TBC1D22A: variants seen among roughly 807,000 people sequenced by gnomAD.
TBC1D22A encodes the protein TBC1 domain family member 22A.
A neutral mutation model predicts 60.2 loss-of-function variants in TBC1D22A; 38 were observed. The observed-to-expected ratio is 0.63, with a 90% CI of 0.49 to 0.83. TBC1D22A has a LOEUF of 0.83. Ranked by LOEUF, TBC1D22A falls within the 40% of genes least tolerant of loss-of-function variation. The pLI is 0.00. For synonymous variants in TBC1D22A, 302 were observed against 281.7 expected (o/e 1.07, Z -0.72); for missense variants, 628 against 701.0 (o/e 0.90, Z 1.18).
intron 8 of TBC1D22A, among the ~76,000 whole-genome samples, chr22:46,971,558 G>A (rs908729511): frequency 6.6e-6 from 1 of 152,214 alleles, no homozygotes; most frequent in African/African-American, 2.4e-5. Flanking sequence ...TCCCAGGGAG[G>A]AAGTGATGCC....
intron 1 of TBC1D22A, among the ~76,000 whole-genome samples, chr22:46,791,139 C>A (rs1182226381): frequency 6.6e-6 from 1 of 152,174 alleles, no homozygotes; most frequent in Non-Finnish European, 1.5e-5. Context: ...CAACCTCAGC[C>A]TCCCAAGTAG....
At chr22:46,824,905 G>A (rs1021261200) in intron 4 of TBC1D22A, among the ~76,000 whole-genome samples, 6 of 152,076 alleles carry the variant, frequency 3.9e-5, no homozygotes, top group African/African-American at 1.5e-4. Flanking sequence ...TGAGCCATCA[G>A]TCAGGGTGTC....
intron 11 of TBC1D22A, among the ~76,000 whole-genome samples, chr22:47,094,746 A>G (rs2065105190): frequency 6.6e-6 from 1 of 152,130 alleles, no homozygotes; most frequent in Admixed American, 6.6e-5. Context: ...TATTTCAGTT[A>G]GAGAGTGTTC....
At chr22:47,026,846 C>G (rs748407425) in intron 10 of TBC1D22A, among the ~76,000 whole-genome samples, 4 of 152,196 alleles carry the variant, frequency 2.6e-5, no homozygotes, top group Non-Finnish European at 5.9e-5. Flanking sequence ...CAATTGCAAT[C>G]AAGATCCCAC....
At position 46,797,437 on chromosome 22, in the gene TBC1D22A, C is replaced by T. The variant is rs1186524109; in HGVS notation, c.461-7C>T. 6.2e-7 allele frequency: 1 copy of T among 1,612,306 alleles called. No homozygotes were observed. Among genetic ancestry groups the T allele is most frequent in the African/African-American group, 1.3e-5 (1 of 74,872 alleles). On this transcript the variant is annotated splice_region_variant and splice_polypyrimidine_tract_variant and intron_variant, in intron 3 of 12. Transcript: ENST00000337137. ...TCACCCTCACCCCCATTCTCTCACC[C>T]CTGCAGAAAGTGCCAGCGATGCCGC...
At chr22:46,871,196 C>A (rs1470991493) in intron 4 of TBC1D22A, among the ~76,000 whole-genome samples, 1 of 152,086 alleles carries the variant, frequency 6.6e-6, no homozygotes, top group Admixed American at 6.5e-5. Context: ...TGTGTATGTA[C>A]CAGCTTTACA....
At chr22:46,854,126 C>A (rs994481307) in intron 4 of TBC1D22A, among the ~76,000 whole-genome samples, 3 of 152,212 alleles carry the variant, frequency 2.0e-5, no homozygotes, top group African/African-American at 7.2e-5. Context: ...CTTTCCGCAC[C>A]TCTGAGCCTC....
At chr22:46,773,409 G>C (rs543417990) in intron 1 of TBC1D22A, among the ~76,000 whole-genome samples, 25 of 152,310 alleles carry the variant, frequency 1.6e-4, no homozygotes, top group African/African-American at 4.6e-4. Flanking sequence ...CTGGGGCCTT[G>C]GTGTCACACC....
intron 12 of TBC1D22A, among the ~76,000 whole-genome samples, chr22:47,168,513 A>C (rs2068294901): frequency 6.6e-6 from 1 of 152,248 alleles, no homozygotes; most frequent in Non-Finnish European, 1.5e-5. Flanking sequence ...ACGCATCTGC[A>C]GTGCTCGTGG....
At chr22:47,171,796 T>C (rs2068466200) in intron 12 of TBC1D22A, among the ~76,000 whole-genome samples, 1 of 152,208 alleles carries the variant, frequency 6.6e-6, no homozygotes, top group Non-Finnish European at 1.5e-5. Flanking sequence ...CGTTGTGGCC[T>C]CAGTGGACGT....
At chr22:47,136,009 G>A (rs528768134) in intron 12 of TBC1D22A, among the ~76,000 whole-genome samples, 9 of 152,350 alleles carry the variant, frequency 5.9e-5, no homozygotes, top group Admixed American at 2.6e-4. Flanking sequence ...CTAGTTGCTC[G>A]GGTAGGAGTT....
At chr22:46,770,858 GC>G (rs562028429) in intron 1 of TBC1D22A, among the ~76,000 whole-genome samples, 4 of 152,332 alleles carry the variant, frequency 2.6e-5, no homozygotes, top group African/African-American at 9.6e-5. Flanking sequence ...GCAGAGGGAA[GC>G]CCCGGAGTCT....
At chr22:47,023,727 G>A (rs1219846849) in intron 10 of TBC1D22A, among the ~76,000 whole-genome samples, 1 of 152,226 alleles carries the variant, frequency 6.6e-6, no homozygotes, top group Non-Finnish European at 1.5e-5. Flanking sequence ...AGAGAAACCT[G>A]TTAACCAGCA....
At chr22:46,908,407 C>T (rs1223238753) in intron 7 of TBC1D22A, among the ~76,000 whole-genome samples, 10 of 152,166 alleles carry the variant, frequency 6.6e-5, no homozygotes, top group African/African-American at 1.7e-4. Flanking sequence ...CAGTGTCACA[C>T]GCCTCCACGG....
At chr22:47,140,830 T>G (rs1215855905) in intron 12 of TBC1D22A, among the ~76,000 whole-genome samples, 1 of 152,154 alleles carries the variant, frequency 6.6e-6, no homozygotes, top group Non-Finnish European at 1.5e-5. Context: ...AAAGTGCAAC[T>G]TGCCCCTACC....
At chr22:47,076,355 G>GTGTGTGTGTATATATATATA (rs1462693147) in intron 11 of TBC1D22A, among the ~76,000 whole-genome samples, 6 of 71,228 alleles carry the variant, frequency 8.4e-5, no homozygotes, top group African/African-American at 3.4e-4. Flanking sequence ...ATATATATAT[G>GTGTGTGTGTATATATATATA]TGTGTGTATA....
intron 4 of TBC1D22A, among the ~76,000 whole-genome samples, chr22:46,839,503 G>A (rs1386102936): frequency 7.6e-6 from 1 of 132,398 alleles, no homozygotes; most frequent in Non-Finnish European, 1.7e-5. Context: ...AATTAATATT[G>A]TTAAAATGTC....
Position 46,793,836 on chromosome 22 carries a change from C to A in TBC1D22A, c.455C>A (p.Pro152His). The change falls in exon 3 of 13, where the codon CCT (proline) becomes CAT (histidine). Residue 152 changes from proline to histidine, a missense_variant. Physicochemically the swap from Pro to His is moderately conservative, Grantham distance 77. Coordinates refer to ENST00000337137, the MANE Select transcript of TBC1D22A (RefSeq NM_014346.5). ...KSVSESHTSC[P>H]AESASDAAPL... ...GTCAGTGAGAGCCACACGTCCTGTC[C>A]TGCAGGTACGATGGGAGGACTGAAG... 1 of 1,569,956 alleles carries A rather than the reference C, an allele frequency of 6.4e-7. No homozygotes were observed. Among genetic ancestry groups the A allele is most frequent in the East Asian group, 2.3e-5 (1 of 43,108 alleles).
At chr22:46,967,771 C>T (rs1015849112) in intron 8 of TBC1D22A, among the ~76,000 whole-genome samples, 2 of 151,990 alleles carry the variant, frequency 1.3e-5, no homozygotes, top group African/African-American at 2.4e-5. Flanking sequence ...TTCGAGAACC[C>T]CCTGGTAATT....
Sources: allele counts gnomAD v4.1 joint callset (sites outside exome capture counted in the v4.1 genomes callset), GRCh38; gene constraint gnomAD v4.1.1; transcripts MANE v1.5; gene names NCBI Gene and HGNC (gene_info 2026-07-23, HGNC 2026-07-21).